Variants in TSC2 observed in about 807,000 individuals in gnomAD.
TSC2 encodes the protein tuberin.
In TSC2, 29 loss-of-function variants were observed where a neutral mutation model predicts 202.2. The observed-to-expected ratio is 0.14, with a 90% CI of 0.11 to 0.20. The LOEUF is 0.20. Ranked by LOEUF, TSC2 falls within the 10% of genes least tolerant of loss-of-function variation. The pLI is 1.00. For synonymous variants in TSC2, 1,349 were observed against 1,044.0 expected (o/e 1.29, Z -5.63); for missense variants, 2,429 against 2,420.0 (o/e 1.00, Z -0.08).
Position 2,062,407 on chromosome 16 carries a change from A to G in TSC2, c.1258-90A>G, listed in dbSNP as rs1048579290. 23 of 1,302,270 alleles carry G rather than the reference A, an allele frequency of 1.8e-5. No individual in the cohort carries two copies. In the African/African-American group the frequency reaches 3.1e-4, roughly 17 times the overall value. The allele number at this position is 1,302,270 out of a possible 1,614,324, so 80.7% of individuals were successfully genotyped here. On this transcript the variant is annotated intron_variant, in intron 12 of 41. Transcript: ENST00000219476. ...CAGGCTGTGAGGCGGCTGGGCTCTG[A>G]CAGCAAACCAGCCTCTCGACCAGCA...
At chr16:2,070,388 C>T (rs2088098490) in intron 16 of TSC2, 68 bp from the exon 17 acceptor site, 2 of 1,612,608 alleles carry the variant, frequency 1.2e-6, no homozygotes, top group African/African-American at 2.7e-5. Context: ...TGCTCCGGGA[C>T]AAGGGTGCTG....
intron 14 of TSC2, chr16:2,063,406 T>C: frequency 2.3e-6 from 1 of 430,826 alleles, no homozygotes. Flanking sequence ...GTCCTGACGT[T>C]CACCCTGTGC....
In TSC2 at chr16:2,086,796, G is replaced by C. The variant is rs137854094; in HGVS notation, c.4914G>C (p.Lys1638Asn). The change falls in exon 38 of 42, where the codon AAG (lysine) becomes AAC (asparagine). Residue 1638 changes from lysine to asparagine, a missense_variant. Physicochemically the swap from Lys to Asn is moderately conservative, Grantham distance 94. Coordinates refer to ENST00000219476, the MANE Select transcript of TSC2 (RefSeq NM_000548.5). Reference sequence around the variant, plus strand: ...TGGACAAGCACCGCTGCGACAAGAAGCGCCACCTGGGCAACGACTTTGTGT... The same window carrying C: ...TGGACAAGCACCGCTGCGACAAGAACCGCCACCTGGGCAACGACTTTGTGT... ...KDVDKHRCDKKRHLGNDFVSI... is the reference protein window; with the variant it reads ...KDVDKHRCDKNRHLGNDFVSI... 1 of 1,611,512 alleles carries C rather than the reference G, an allele frequency of 6.2e-7. No individual in the cohort carries two copies. Among genetic ancestry groups the C allele is most frequent in the Non-Finnish European group, 8.5e-7 (1 of 1,179,788 alleles).
intron 19 of TSC2, 23 bp downstream of exon 19, chr16:2,071,957 C>T (rs947205878): frequency 3.9e-6 from 6 of 1,556,316 alleles, no homozygotes; most frequent in South Asian, 1.2e-5. Context: ...GGGCAGGGAC[C>T]ATCCGTCCCA....
intron 30 of TSC2, chr16:2,080,720 G>C (rs61501628): frequency 9.9e-6 from 3 of 301,806 alleles, no homozygotes; most frequent in Non-Finnish European, 1.9e-5. Context: ...TCCTGACCTC[G>C]TGATCCGCCC....
At position 2,083,745 on chromosome 16, in the gene TSC2, G is replaced by A. The variant is rs201584397; in HGVS notation, c.3934G>A (p.Val1312Met). The A allele has an allele frequency of 6.2e-7, 1 of 1,607,070 alleles. No homozygotes were observed. ...AAGTCCGGGCGAGGTTCCTGTGCTG[G>A]TGGAGCCCCCAGGGTTGGAGGACGT... is the stretch of plus-strand genomic sequence containing the variant. ...EGSPGEVPVL[V>M]EPPGLEDVEA... The change falls in exon 33 of 42, where the codon GTG becomes ATG. Residue 1312 changes from valine to methionine, a missense_variant. Coordinates refer to ENST00000219476, the MANE Select transcript of TSC2 (RefSeq NM_000548.5).
rs1420034406 is a variant in TSC2 at position 2,076,527 on chromosome 16, A to C, written c.2779A>C (p.Thr927Pro). ...RSNVLLSFDD[T>P]PEKDSFRARS... Reference sequence around the variant, plus strand: ...CAATGTCCTCTTGTCTTTTGATGACACCCCCGAGAAGGACAGCTTCAGGGC... The same window carrying C: ...CAATGTCCTCTTGTCTTTTGATGACCCCCCCGAGAAGGACAGCTTCAGGGC... Residue 927 changes from threonine (T) to proline (P), a missense_variant, in exon 25 of 42, where the codon ACC becomes CCC. Thr to Pro is a conservative substitution (Grantham distance 38). Transcript: ENST00000219476. 6.2e-7 allele frequency: 1 copy of C among 1,613,166 alleles called. No individual in the cohort carries two copies. The highest frequency in any genetic ancestry group is 8.5e-7 in the Non-Finnish European group (1 of 1,179,930).
rs1596267876 is a variant in TSC2 at position 2,054,941 on chromosome 16, GC to G, written c.482-459del. 1.5e-5 allele frequency: 5 copies of G among 330,608 alleles called. No homozygotes were observed. In the East Asian group the frequency reaches 3.9e-4, roughly 26 times the overall value. The allele number at this position is 330,608 out of a possible 1,614,324, so 20.5% of individuals were successfully genotyped here. A position where few individuals can be genotyped will look rare whatever the true frequency, so the allele number is the denominator to read the frequency against. On this transcript the variant is annotated intron_variant, in intron 5 of 41. Transcript: ENST00000219476. ...TTGCTGTTCTGTCGCCCAGAAAAGG[GC>G]CTCAGTGGCTGGGCTGCCTGCAGGA... is the stretch of plus-strand genomic sequence containing the variant.
chr16:2,059,861 A>G (rs2086413261), intron 10 of TSC2, among the ~76,000 whole-genome samples: 2 of 152,108 alleles, frequency 1.3e-5, no homozygotes, highest in Admixed American at 6.6e-5. Context: ...GGGTTTCACC[A>G]TGTTGGTCAG....
intron 32 of TSC2, 30 bp from the exon 33 acceptor site, chr16:2,083,665 C>CATCCAGCAGCCCCGT: frequency 1.3e-6 from 2 of 1,563,402 alleles, no homozygotes; most frequent in Non-Finnish European, 1.7e-6. Flanking sequence ...CCCAGCCCCA[C>CATCCAGCAGCCCCGT]ATCCAGCAGC....
At position 2,089,431 on chromosome 16, in the gene TSC2, G is replaced by A. The variant is rs896198372; in HGVS notation, c.*821G>A. 4.6e-5 allele frequency: 22 copies of A among 482,800 alleles called. No individual in the cohort carries two copies. Among genetic ancestry groups the A allele is most frequent in the Admixed American group, 1.4e-4 (4 of 28,088 alleles). 29.9% of individuals were successfully genotyped at this position (482,800 alleles called of 1,614,324 possible). ...GGACATCTGCCCAGGGGGTGGGGCC[G>A]GGCACAGCCCGCTGTACCTGAGGAC... On this transcript the variant is annotated 3_prime_UTR_variant, in exon 42 of 42. Coordinates refer to ENST00000219476, the MANE Select transcript of TSC2 (RefSeq NM_000548.5).
chr16:2,062,031 G>A, intron 12 of TSC2, 23 bp downstream of exon 12: 1 of 1,613,860 alleles, frequency 6.2e-7, no homozygotes. Flanking sequence ...CCTGGGTGGG[G>A]CCTTTGGGCT....
At chr16:2,070,199 G>A (rs1024743197) in intron 16 of TSC2, among the ~76,000 whole-genome samples, 9 of 152,162 alleles carry the variant, frequency 5.9e-5, no homozygotes, top group East Asian at 1.9e-4. Context: ...TGTCTGCCAC[G>A]CAGCTGGAGC....
rs369217216 is a variant in TSC2 at position 2,077,395 on chromosome 16, C to T, written c.2838-203C>T. 1.0e-5 allele frequency: 7 copies of T among 688,660 alleles called. No homozygotes were observed. The Admixed American group carries it at 1.1e-4, about 11-fold the overall frequency. The allele number at this position is 688,660 out of a possible 1,614,324, so 42.7% of individuals were successfully genotyped here. A position where few individuals can be genotyped will look rare whatever the true frequency, so the allele number is the denominator to read the frequency against. On this transcript the variant is annotated intron_variant, in intron 25 of 41. Transcript: ENST00000219476. ...CTTGTTCTCAGTCATGTTTACCAGA[C>T]GTATTATCATGCATTTTTGTTTTCT...
At position 2,079,062 on chromosome 16, in the gene TSC2, C is replaced by T. The variant is rs893757571; in HGVS notation, c.2997C>T (p.Ser999=). The T allele has an allele frequency of 9.9e-6, 16 of 1,612,840 alleles. No individual in the cohort carries two copies. Among genetic ancestry groups the T allele is most frequent in the African/African-American group, 2.7e-5 (2 of 74,916 alleles). Residue 999 remains serine, a synonymous_variant, in exon 27 of 42, where the codon AGC becomes AGT. Transcript: ENST00000219476. The surrounding 1 kb of genome is among the most constrained non-coding windows in gnomAD (Gnocchi z 4.6). The part of the protein sequence containing the change: ...SRIQTSLTSA[S]LGSADENSVA... ...TACAGACGTCCCTCACCAGTGCCAG[C>T]TTGGGGTCTGCAGATGAGAACTCCG...
rs767178958 is a variant in TSC2, at chr16:2,074,280, C to T, written c.2436C>T (p.Ser812=). ...GCGTCGTGGCCTTGTCCATCTGCAG[C>T]GTGGAGATGCCTGACATCATCATCA... The part of the protein sequence containing the change: ...SQCVVALSIC[S]VEMPDIIIKA... Residue 812 remains serine (S), a synonymous_variant, in exon 22 of 42, where the codon AGC becomes AGT. Coordinates refer to ENST00000219476, the MANE Select transcript of TSC2 (RefSeq NM_000548.5). The T allele has an allele frequency of 1.1e-5, 17 of 1,613,020 alleles. No homozygotes were observed. Among genetic ancestry groups the T allele is most frequent in the Middle Eastern group, 1.7e-4 (1 of 5,984 alleles).
chr16:2,059,782 G>A (rs920892346), intron 10 of TSC2, among the ~76,000 whole-genome samples: 1 of 152,150 alleles, frequency 6.6e-6, no homozygotes, highest in Admixed American at 6.5e-5. Flanking sequence ...GCCTCCCAAA[G>A]TGCTGGAATT....
chr16:2,073,418 A>C (rs952660481), intron 21 of TSC2, among the ~76,000 whole-genome samples: 2 of 152,196 alleles, frequency 1.3e-5, no homozygotes, highest in Non-Finnish European at 2.9e-5. Flanking sequence ...CCCCCGTCCC[A>C]GTCGCATTCT....
intron 14 of TSC2, chr16:2,063,846 C>T (rs2086939551): frequency 3.0e-6 from 1 of 330,834 alleles, no homozygotes; most frequent in South Asian, 2.6e-5. Context: ...GTCCTCAGCA[C>T]AGCACGCACA....
Sources: gnomAD v4.1 joint callset for allele counts (sites outside exome capture counted in the v4.1 genomes callset) on GRCh38, gnomAD v4.1.1 for gene constraint, Gnocchi (gnomAD v3.1) non-coding constraint, MANE v1.5 for transcripts, NCBI Gene and HGNC (gene_info 2026-07-23, HGNC 2026-07-21) for gene names.